Variants in KCNJ3 observed in about 807,000 individuals in gnomAD.
KCNJ3 encodes the protein potassium inwardly rectifying channel subfamily J member 3, also known as G protein-activated inward rectifier potassium channel 1.
A neutral mutation model predicts 39.2 loss-of-function variants in KCNJ3; 4 were observed. That is an observed-to-expected ratio of 0.10 (90% CI 0.05 to 0.23). The LOEUF (loss-of-function observed/expected upper bound fraction) is 0.23. Ranked by LOEUF, KCNJ3 falls within the 10% of genes least tolerant of loss-of-function variation. KCNJ3 has a pLI of 1.00. For missense variants in KCNJ3, 276 were observed against 634.9 expected (o/e 0.43, Z 6.08); for synonymous variants, 230 against 237.4 (o/e 0.97, Z 0.29).
intron 2 of KCNJ3, among the ~76,000 whole-genome samples, chr2:154,772,167 A>G (rs1686254598): frequency 6.6e-6 from 1 of 152,162 alleles, no homozygotes; most frequent in African/African-American, 2.4e-5. Flanking sequence ...ACAAACTAAT[A>G]ATTTGTAATG....
intron 2 of KCNJ3, among the ~76,000 whole-genome samples, chr2:154,782,174 CAGA>C (rs1686450906): frequency 1.3e-5 from 2 of 152,102 alleles, no homozygotes; most frequent in East Asian, 3.8e-4. Context: ...TGTAATGCGT[CAGA>C]AGAAGAATCA....
In KCNJ3 at chr2:154,841,697, T is replaced by C. The variant is rs577904311; in HGVS notation, c.920-13030T>C. ...ATCAAGGAATTTATCCATTTTTTTT[T>C]CTAGATTTTCTAGTTTTTTTGCATA... is the stretch of plus-strand genomic sequence containing the variant. On this transcript the variant is annotated intron_variant, in intron 2 of 2. Coordinates refer to ENST00000295101, the MANE Select transcript of KCNJ3 (RefSeq NM_002239.4). Among the ~76,000 whole-genome samples, 192 of 151,438 alleles carry C rather than the reference T, an allele frequency of 1.3e-3. 3 individuals carry two copies. The highest frequency in any genetic ancestry group is 4.5e-3 in the African/African-American group (185 of 41,376).
At chr2:154,815,997 G>A (rs1436144047) in intron 2 of KCNJ3, among the ~76,000 whole-genome samples, 1 of 152,130 alleles carries the variant, frequency 6.6e-6, no homozygotes, top group Non-Finnish European at 1.5e-5. Flanking sequence ...GCTGATCACT[G>A]CCTGCAAGCC....
chr2:154,842,469 A>T (rs940579842), intron 2 of KCNJ3, among the ~76,000 whole-genome samples: 8 of 152,172 alleles, frequency 5.3e-5, no homozygotes, highest in Non-Finnish European at 8.8e-5. Flanking sequence ...CTTGTTGCAG[A>T]GCTGAGTTCA....
chr2:154,718,736 A>T, intron 2 of KCNJ3, among the ~76,000 whole-genome samples: 1 of 152,164 alleles, frequency 6.6e-6, no homozygotes, highest in East Asian at 1.9e-4. Flanking sequence ...TTTTCATTGC[A>T]GTGTTTTATA....
chr2:154,854,440 G>T (rs1202017379), intron 2 of KCNJ3, among the ~76,000 whole-genome samples: 1 of 152,084 alleles, frequency 6.6e-6, no homozygotes, highest in Non-Finnish European at 1.5e-5. Flanking sequence ...TATGTTCTGA[G>T]ATTATTCTAT....
At chr2:154,830,114 G>A (rs1687338590) in intron 2 of KCNJ3, among the ~76,000 whole-genome samples, 1 of 152,086 alleles carries the variant, frequency 6.6e-6, no homozygotes, top group Non-Finnish European at 1.5e-5. Context: ...AAATAGATAA[G>A]GCCAGGATAA....
intron 2 of KCNJ3, among the ~76,000 whole-genome samples, chr2:154,808,389 G>A (rs982279208): frequency 1.3e-5 from 2 of 151,966 alleles, no homozygotes; most frequent in African/African-American, 2.4e-5. Flanking sequence ...CGGGATAAGG[G>A]CATTTAAATA....
rs1684853122 is a variant in KCNJ3 at position 154,699,674 on chromosome 2, C to T, written c.702+197C>T. 3.3e-6 allele frequency: 1 copy of T among 301,826 alleles called. No individual in the cohort carries two copies. The highest frequency in any genetic ancestry group is 1.3e-4 in the South Asian group (1 of 7,812). 18.7% of individuals were successfully genotyped at this position (301,826 alleles called of 1,614,324 possible). ...GTTCTGTTCCTTTTCCACTCACTCT[C>T]GTGCTCTTGTTTATATTCGTCATTT... On this transcript the variant is annotated intron_variant, in intron 1 of 2. Transcript: ENST00000295101. This position sits in a 1 kb window ranked among gnomAD's most constrained non-coding sequence, Gnocchi z 6.4.
intron 2 of KCNJ3, among the ~76,000 whole-genome samples, chr2:154,780,457 A>G (rs1304278306): frequency 6.6e-6 from 1 of 152,204 alleles, no homozygotes; most frequent in African/African-American, 2.4e-5. Context: ...CTGCATTATC[A>G]GTGTGAAGGG....
At chr2:154,777,987 A>C (rs1686369499) in intron 2 of KCNJ3, among the ~76,000 whole-genome samples, 1 of 152,176 alleles carries the variant, frequency 6.6e-6, no homozygotes, top group East Asian at 1.9e-4. Flanking sequence ...ATGCCAGAGT[A>C]GTGGATATTC....
In KCNJ3 at chr2:154,698,874, T is replaced by C. The variant is rs747578225; in HGVS notation, c.99T>C (p.Pro33=). The part of the protein sequence containing the change: ...GLQPQGPGQD[P]QQQLVPKKKR... ...AGCCCCAGGGGCCAGGCCAGGACCC[T>C]CAGCAGCAGCTTGTGCCCAAGAAGA... is the stretch of plus-strand genomic sequence containing the variant. Residue 33 remains proline (P), a synonymous_variant, in exon 1 of 3, where the codon CCT becomes CCC. Coordinates refer to ENST00000295101, the MANE Select transcript of KCNJ3 (RefSeq NM_002239.4). The C allele has an allele frequency of 1.2e-6, 2 of 1,614,144 alleles. No individual in the cohort carries two copies. Among genetic ancestry groups the C allele is most frequent in the South Asian group, 1.1e-5 (1 of 91,080 alleles).
At chr2:154,806,127 T>G (rs553508287) in intron 2 of KCNJ3, among the ~76,000 whole-genome samples, 4 of 152,258 alleles carry the variant, frequency 2.6e-5, no homozygotes, top group African/African-American at 9.6e-5. Context: ...TCTCGAGAAT[T>G]GTGAAGGTTC....
intron 2 of KCNJ3, among the ~76,000 whole-genome samples, chr2:154,796,871 T>G (rs1188290684): frequency 6.6e-6 from 1 of 152,150 alleles, no homozygotes; most frequent in Non-Finnish European, 1.5e-5. Context: ...AAAAAAATCT[T>G]TTTCAAAATA....
chr2:154,788,644 T>G (rs953401421), intron 2 of KCNJ3, among the ~76,000 whole-genome samples: 1 of 152,092 alleles, frequency 6.6e-6, no homozygotes, highest in African/African-American at 2.4e-5. Flanking sequence ...TATTGACATA[T>G]GTTTTGCATG....
intron 2 of KCNJ3, among the ~76,000 whole-genome samples, chr2:154,757,419 A>C (rs959480866): frequency 6.6e-6 from 1 of 152,116 alleles, no homozygotes; most frequent in Non-Finnish European, 1.5e-5. Context: ...AGGAGCATAA[A>C]ATACAATTTT....
chr2:154,730,293 T>C (rs997697468), intron 2 of KCNJ3, among the ~76,000 whole-genome samples: 20 of 152,196 alleles, frequency 1.3e-4, no homozygotes, highest in African/African-American at 4.8e-4. Flanking sequence ...TAGTTGTACA[T>C]ATTTTTGATT....
At chr2:154,794,859 C>A (rs1838675) in intron 2 of KCNJ3, among the ~76,000 whole-genome samples, 102,424 of 151,800 alleles carry the variant, frequency 0.67, 34,821 homozygotes, top group Middle Eastern at 0.82. Context: ...ATACTAGTGA[C>A]TGATGAAGTA....
chr2:154,781,022 G>C (rs943823481), intron 2 of KCNJ3, among the ~76,000 whole-genome samples: 4 of 152,138 alleles, frequency 2.6e-5, no homozygotes, highest in African/African-American at 9.7e-5. Context: ...AATCGCAGTT[G>C]GTCCTTAAAT....
Sources: allele counts gnomAD v4.1 joint callset (sites outside exome capture counted in the v4.1 genomes callset), GRCh38; gene constraint gnomAD v4.1.1; non-coding constraint Gnocchi (gnomAD v3.1); transcripts MANE v1.5; gene names NCBI Gene and HGNC (gene_info 2026-07-23, HGNC 2026-07-21).